Variants in MYO3A observed in about 807,000 individuals in gnomAD.
MYO3A encodes myosin-IIIa.
In MYO3A, 180 loss-of-function variants were observed where a neutral mutation model predicts 192.7. That is an observed-to-expected ratio of 0.93 (90% confidence interval 0.83 to 1.06). The LOEUF (loss-of-function observed/expected upper bound fraction) is 1.06. MYO3A is among the 50% of genes least tolerant of loss of function. MYO3A has a pLI of 0.00. For missense variants in MYO3A, 1,896 were observed against 1,905.0 expected (o/e 1.00, Z 0.09); for synonymous variants, 628 against 645.3 (o/e 0.97, Z 0.41).
At chr10:26,120,012 A>G (rs927384246) in intron 17 of MYO3A, among the ~76,000 whole-genome samples, 2 of 151,428 alleles carry the variant, frequency 1.3e-5, no homozygotes, top group Non-Finnish European at 2.9e-5. Flanking sequence ...AAAAAAAAAA[A>G]AAAAAATTAG....
chr10:26,204,538 ATT>A (rs1040064262), intron 34 of MYO3A: 9 of 152,234 alleles, frequency 5.9e-5, no homozygotes, highest in African/African-American at 2.2e-4. Flanking sequence ...GCACTATGCC[ATT>A]GTCTCATTTA....
intron 31 of MYO3A, among the ~76,000 whole-genome samples, chr10:26,185,555 G>A (rs891880682): frequency 6.6e-6 from 1 of 151,710 alleles, no homozygotes; most frequent in African/African-American, 2.4e-5. Context: ...GGCCAGACTG[G>A]TCTCGAACTC....
At chr10:26,211,790 C>CG (rs1180748233) in intron 34 of MYO3A, 53 bp from the exon 35 acceptor site, 9 of 1,609,198 alleles carry the variant, frequency 5.6e-6, no homozygotes, top group African/African-American at 2.7e-5. Context: ...TAGGTGGGGA[C>CG]GCGCTGCTCA....
chr10:26,175,906 G>T (rs1353455434), intron 30 of MYO3A, among the ~76,000 whole-genome samples: 7 of 152,190 alleles, frequency 4.6e-5, no homozygotes, highest in Non-Finnish European at 8.8e-5. Flanking sequence ...CAGCAGGACA[G>T]CCGTGTTCTC....
Position 25,994,680 on chromosome 10 carries a change from C to T in MYO3A, c.304-1810C>T, listed in dbSNP as rs528160975. On this transcript the variant is annotated intron_variant, in intron 4 of 34. Coordinates refer to ENST00000642920, the MANE Select transcript of MYO3A (RefSeq NM_017433.5). ...TCCTTTCCATGTTTAGTGCTTCCTT[C>T]AGGAGCTCTTTTAGGGAAGGCCTGG... is the stretch of plus-strand genomic sequence containing the variant. Among the ~76,000 whole-genome samples, 14 of 152,266 alleles carry T rather than the reference C, an allele frequency of 9.2e-5. No individual in the cohort carries two copies. The East Asian group carries it at 2.5e-3, about 27-fold the overall frequency.
intron 17 of MYO3A, among the ~76,000 whole-genome samples, chr10:26,117,284 T>G (rs187214071): frequency 1.3e-5 from 2 of 152,330 alleles, no homozygotes; most frequent in Admixed American, 1.3e-4. Flanking sequence ...ATACTCATTA[T>G]ATCGGTAACA....
intron 15 of MYO3A, 91 bp from the exon 16 acceptor site, chr10:26,096,290 C>G: frequency 1.0e-6 from 1 of 959,672 alleles, no homozygotes; most frequent in Non-Finnish European, 1.6e-6. Flanking sequence ...TATCAGCACT[C>G]ACAGTCGTTG....
At chr10:26,074,599 ATATAT>A (rs1191765372) in intron 14 of MYO3A, among the ~76,000 whole-genome samples, 2 of 147,710 alleles carry the variant, frequency 1.4e-5, no homozygotes, top group African/African-American at 4.9e-5. Flanking sequence ...AATATATAAT[ATATAT>A]TATATTTAAT....
intron 14 of MYO3A, among the ~76,000 whole-genome samples, chr10:26,086,177 G>C (rs187752401): frequency 6.6e-6 from 1 of 152,060 alleles, no homozygotes; most frequent in South Asian, 2.1e-4. Context: ...ACTTACAATC[G>C]TGGGCAGAAG....
At chr10:26,210,602 G>A (rs1564649479) in intron 34 of MYO3A, among the ~76,000 whole-genome samples, 1 of 152,204 alleles carries the variant, frequency 6.6e-6, no homozygotes, top group Non-Finnish European at 1.5e-5. Flanking sequence ...GACAGATCCT[G>A]TTATGAGTGA....
At chr10:26,190,696 A>G (rs911553539) in intron 31 of MYO3A, among the ~76,000 whole-genome samples, 3 of 152,212 alleles carry the variant, frequency 2.0e-5, no homozygotes, top group Admixed American at 6.5e-5. Flanking sequence ...GGGGTGTTTA[A>G]TAATGCTTAA....
rs1466175498 is a variant in MYO3A at position 26,153,905 on chromosome 10, A to T, written c.2691A>T (p.Ser897=). 1 of 1,594,722 alleles carries T rather than the reference A, an allele frequency of 6.3e-7. No homozygotes were observed. Among genetic ancestry groups the T allele is most frequent in the East Asian group, 2.2e-5 (1 of 44,630 alleles). ...KNVINYQMRT[S]EKLINLAKGD... is the part of the protein sequence containing the mutation. ...TTATAAACTATCAAATGAGGACTTCAGAAAAATTAATCAACCTGGCAAAGG... is the reference window on the plus strand; with the variant it reads ...TTATAAACTATCAAATGAGGACTTCTGAAAAATTAATCAACCTGGCAAAGG... Residue 897 remains serine (S), a synonymous_variant, in exon 24 of 35, where the codon TCA becomes TCT. Transcript: ENST00000642920.
intron 6 of MYO3A, among the ~76,000 whole-genome samples, chr10:26,003,639 G>A (rs1840991937): frequency 1.3e-5 from 2 of 151,918 alleles, no homozygotes; most frequent in South Asian, 4.2e-4. Context: ...CTTCCCAGGA[G>A]ATAGATCCCT....
intron 10 of MYO3A, among the ~76,000 whole-genome samples, chr10:26,041,007 G>A (rs1003356700): frequency 1.3e-5 from 2 of 151,960 alleles, no homozygotes; most frequent in Non-Finnish European, 2.9e-5. Context: ...GTCTCCAGCT[G>A]TTATTTTATT....
At chr10:26,005,669 T>A (rs546168712) in intron 6 of MYO3A, among the ~76,000 whole-genome samples, 3 of 152,178 alleles carry the variant, frequency 2.0e-5, no homozygotes, top group Non-Finnish European at 2.9e-5. Flanking sequence ...TTCTCTAAGG[T>A]TGAAATTATG....
rs772863573 is a variant in MYO3A, at chr10:26,157,455, C to A, written c.2939C>A (p.Thr980Lys). ...CTTCGGTACACAGGAATTCTGGAAA[C>A]AGCAAGAATTCGAAGACTAGGATTC... ...LQLRYTGILE[T>K]ARIRRLGFSH... is the part of the protein sequence containing the mutation. Residue 980 changes from threonine to lysine, a missense_variant, in exon 26 of 35, where the codon ACA becomes AAA. Coordinates refer to ENST00000642920, the MANE Select transcript of MYO3A (RefSeq NM_017433.5). 1 of 1,614,140 alleles carries A rather than the reference C, an allele frequency of 6.2e-7. No homozygotes were observed. Among genetic ancestry groups the A allele is most frequent in the South Asian group, 1.1e-5 (1 of 91,084 alleles).
chr10:26,193,148 A>T, intron 31 of MYO3A, 57 bp from the exon 32 acceptor site: 2 of 1,308,086 alleles, frequency 1.5e-6, no homozygotes, highest in Non-Finnish European at 2.2e-6. Context: ...AAAGGAAAAC[A>T]TCACTTGATA....
intron 26 of MYO3A, among the ~76,000 whole-genome samples, chr10:26,159,792 T>C (rs1010261544): frequency 2.0e-5 from 3 of 152,208 alleles, no homozygotes; most frequent in African/African-American, 7.2e-5. Context: ...ATATGACTTT[T>C]GTGTTGGCCA....
At chr10:26,000,316 T>C (rs1588740911) in intron 6 of MYO3A, among the ~76,000 whole-genome samples, 1 of 152,246 alleles carries the variant, frequency 6.6e-6, no homozygotes, top group South Asian at 2.1e-4. Context: ...GGAAAATACT[T>C]CGAAATTTAT....
Sources: gnomAD v4.1 joint callset for allele counts (sites outside exome capture counted in the v4.1 genomes callset) on GRCh38, gnomAD v4.1.1 for gene constraint, MANE v1.5 for transcripts, NCBI Gene and HGNC (gene_info 2026-07-23, HGNC 2026-07-21) for gene names.